ITFG1: variants seen among roughly 807,000 people sequenced by gnomAD.
ITFG1 encodes integrin alpha FG-GAP repeat containing 1.
Under a neutral mutation model 81.8 loss-of-function variants are expected in ITFG1, and 34 were observed. That is an observed-to-expected ratio of 0.42 (90% CI 0.32 to 0.55). The LOEUF (loss-of-function observed/expected upper bound fraction) is 0.55. ITFG1 is among the 20% of genes least tolerant of loss of function. ITFG1 has a pLI of 0.17. For missense variants in ITFG1, 672 were observed against 755.4 expected (o/e 0.89, Z 1.29); for synonymous variants, 285 against 270.6 (o/e 1.05, Z -0.52).
intron 13 of ITFG1, among the ~76,000 whole-genome samples, chr16:47,223,170 C>T (rs988827785): frequency 6.6e-6 from 1 of 151,530 alleles, no homozygotes; most frequent in South Asian, 2.1e-4. Context: ...AGGACATAGG[C>T]ATGGGCAAGG....
At chr16:47,352,470 A>G (rs557598846) in intron 8 of ITFG1, among the ~76,000 whole-genome samples, 1 of 152,350 alleles carries the variant, frequency 6.6e-6, no homozygotes, top group South Asian at 2.1e-4. Flanking sequence ...GCTCATCATC[A>G]CTGGCCATCA....
At chr16:47,428,045 G>A (rs943113739) in intron 6 of ITFG1, among the ~76,000 whole-genome samples, 1 of 151,920 alleles carries the variant, frequency 6.6e-6, no homozygotes, top group African/African-American at 2.4e-5. Context: ...GAGGTGGGAG[G>A]ATAGCTTGAG....
intron 8 of ITFG1, among the ~76,000 whole-genome samples, chr16:47,349,603 T>C (rs952486356): frequency 6.6e-6 from 1 of 152,026 alleles, no homozygotes; most frequent in Non-Finnish European, 1.5e-5. Flanking sequence ...TCCCACACAA[T>C]AATAATGGGA....
intron 13 of ITFG1, among the ~76,000 whole-genome samples, chr16:47,227,561 C>T (rs1218192742): frequency 6.6e-6 from 1 of 152,008 alleles, no homozygotes; most frequent in Non-Finnish European, 1.5e-5. Context: ...CTCTTGTGTG[C>T]CTATTGTCTT....
intron 10 of ITFG1, among the ~76,000 whole-genome samples, chr16:47,303,199 G>T (rs1450781700): frequency 1.3e-5 from 2 of 151,906 alleles, no homozygotes; most frequent in South Asian, 2.1e-4. Context: ...TGAACCCAGG[G>T]GGCGGAGCTT....
At chr16:47,201,058 A>C (rs542564381) in intron 14 of ITFG1, among the ~76,000 whole-genome samples, 48 of 152,324 alleles carry the variant, frequency 3.2e-4, no homozygotes, top group African/African-American at 1.1e-3. Flanking sequence ...GCCAATAAGG[A>C]GAATATTTGT....
intron 6 of ITFG1, 137 bp from the exon 7 acceptor site, chr16:47,376,077 G>T: frequency 5.8e-6 from 3 of 515,240 alleles, no homozygotes; most frequent in South Asian, 3.2e-5. Context: ...ATTTTAACAA[G>T]TTTCATCCCA....
chr16:47,406,262 A>G (rs999793093), intron 6 of ITFG1, among the ~76,000 whole-genome samples: 1 of 152,218 alleles, frequency 6.6e-6, no homozygotes, highest in Non-Finnish European at 1.5e-5. Flanking sequence ...AAAAGAAACA[A>G]AATTCTTGAA....
intron 8 of ITFG1, among the ~76,000 whole-genome samples, chr16:47,315,679 T>C (rs999559904): frequency 6.6e-6 from 1 of 152,032 alleles, no homozygotes; most frequent in Non-Finnish European, 1.5e-5. Context: ...TCATGCACTT[T>C]AGTATAAATT....
intron 14 of ITFG1, among the ~76,000 whole-genome samples, chr16:47,171,033 T>A (rs2151509927): frequency 6.8e-6 from 1 of 147,298 alleles, no homozygotes; most frequent in African/African-American, 2.5e-5. Flanking sequence ...CTGTGCCTTT[T>A]TTTTTTTTTT....
intron 6 of ITFG1, among the ~76,000 whole-genome samples, chr16:47,379,345 C>G (rs1968366106): frequency 6.6e-6 from 1 of 152,118 alleles, no homozygotes; most frequent in African/African-American, 2.4e-5. Flanking sequence ...CCAGGAAACC[C>G]AACCAACAAT....
intron 15 of ITFG1, 135 bp from the exon 16 acceptor site, chr16:47,161,967 T>C: frequency 5.0e-6 from 3 of 599,620 alleles, no homozygotes; most frequent in South Asian, 4.5e-5. Flanking sequence ...TGTTTACCAA[T>C]ATTAAGCCAA....
intron 14 of ITFG1, 33 bp from the exon 15 acceptor site, chr16:47,162,697 C>T (rs747772794): frequency 6.4e-7 from 1 of 1,555,484 alleles, no homozygotes; most frequent in Non-Finnish European, 8.7e-7. Context: ...AAATTAAAAA[C>T]ATCTCTGGAA....
At chr16:47,349,325 C>CAG (rs1042052563) in intron 8 of ITFG1, among the ~76,000 whole-genome samples, 1 of 151,820 alleles carries the variant, frequency 6.6e-6, no homozygotes, top group African/African-American at 2.4e-5. Flanking sequence ...ATCTCATGTG[C>CAG]AGAGACACAC....
At chr16:47,200,923 G>C (rs1248970867) in intron 14 of ITFG1, among the ~76,000 whole-genome samples, 2 of 152,166 alleles carry the variant, frequency 1.3e-5, no homozygotes, top group African/African-American at 4.8e-5. Context: ...CAAAGGGAAA[G>C]CTGTAATACA....
intron 14 of ITFG1, among the ~76,000 whole-genome samples, chr16:47,192,832 C>T (rs1030324887): frequency 2.6e-5 from 4 of 152,324 alleles, no homozygotes; most frequent in Admixed American, 2.0e-4. Flanking sequence ...TTCCCCTCAG[C>T]TTTTGACCCT....
At chr16:47,415,952 G>A (rs546215664) in intron 6 of ITFG1, among the ~76,000 whole-genome samples, 1 of 152,154 alleles carries the variant, frequency 6.6e-6, no homozygotes, top group South Asian at 2.1e-4. Context: ...AAATTAGCTG[G>A]GCATGGTGGT....
intron 14 of ITFG1, among the ~76,000 whole-genome samples, chr16:47,178,616 A>C (rs967413446): frequency 5.3e-5 from 8 of 152,230 alleles, no homozygotes; most frequent in Non-Finnish European, 8.8e-5. Context: ...CTAAAACCAT[A>C]AAAACCCTAG....
chr16:47,267,578 G>A (rs1444698382), intron 10 of ITFG1, among the ~76,000 whole-genome samples: 1 of 152,068 alleles, frequency 6.6e-6, no homozygotes, highest in Non-Finnish European at 1.5e-5. Context: ...GACGTTTATT[G>A]ACCACAACCC....
Sources: gnomAD v4.1 joint callset for allele counts (sites outside exome capture counted in the v4.1 genomes callset) on GRCh38, gnomAD v4.1.1 for gene constraint, MANE v1.5 for transcripts, NCBI Gene and HGNC (gene_info 2026-07-23, HGNC 2026-07-21) for gene names.